The following PRR23D2 variants were observed in gnomAD, a reference collection of about 807,000 sequenced individuals.
PRR23D2 encodes the protein proline-rich protein 23D2.
upstream of PRR23D2, among the ~76,000 whole-genome samples, chr8:7,784,007 T>G (rs1401864823): frequency 7.8e-6 from 1 of 128,144 alleles, no homozygotes; most frequent in Non-Finnish European, 1.7e-5. Context: ...CTTGGCGATC[T>G]GGCCCCGCTT....
chr8:7,783,407 A>G (rs2128916407), upstream of PRR23D2, among the ~76,000 whole-genome samples: 1 of 123,680 alleles, frequency 8.1e-6, no homozygotes, highest in East Asian at 2.5e-4. Context: ...CCGTTTTAAT[A>G]GCAACAATTA....
upstream of PRR23D2, among the ~76,000 whole-genome samples, chr8:7,783,945 C>T: frequency 6.7e-6 from 1 of 148,262 alleles, no homozygotes; most frequent in East Asian, 2.2e-4. Context: ...TGCCCCAAAG[C>T]CAGGGCGGCG....
chr8:7,781,970 A>G (rs1816481823), upstream of PRR23D2, among the ~76,000 whole-genome samples: 2 of 92,890 alleles, frequency 2.2e-5, 1 homozygote, highest in Non-Finnish European at 4.4e-5. Flanking sequence ...AATGTGATGC[A>G]TGGAAAATTT....
upstream of PRR23D2, among the ~76,000 whole-genome samples, chr8:7,783,538 T>C (rs1395318177): frequency 2.8e-4 from 22 of 78,846 alleles, no homozygotes; most frequent in South Asian, 5.4e-4. Flanking sequence ...GGGGTTTCCC[T>C]GCAGGGGCCC....
chr8:7,780,032 TC>T lies in PRR23D2; in HGVS notation c.196del (p.Glu66AsnfsTer15). 1.5e-6 allele frequency: 1 copy of T among 657,412 alleles called. No individual in the cohort carries two copies. Among genetic ancestry groups the T allele is most frequent in the Non-Finnish European group, 2.0e-6 (1 of 511,352 alleles). The allele number at this position is 657,412 out of a possible 1,614,324, so 40.7% of individuals were successfully genotyped here. ...GACACAGGAACTTACCTGGGGAAGT[TC>T]CAGGGACTGGTATGAATTCAGGTGT... ...APHLNSYQSL[E>X]LPQNQQDSGT... On this transcript the variant is annotated frameshift_variant, in exon 3 of 4. Coordinates refer to ENST00000528972, the MANE Select transcript of PRR23D2 (RefSeq NM_001282478.1). LOFTEE classifies it high-confidence loss of function.
chr8:7,784,011 CCCG>C (rs2128916610), upstream of PRR23D2, among the ~76,000 whole-genome samples: 1 of 123,084 alleles, frequency 8.1e-6, no homozygotes, highest in African/African-American at 2.6e-5. Flanking sequence ...GCGATCTGGC[CCCG>C]CTTCCGCAAG....
At chr8:7,782,248 T>G (rs1346230347), upstream of PRR23D2, among the ~76,000 whole-genome samples, 2 of 69,694 alleles carry the variant, frequency 2.9e-5, no homozygotes, top group Non-Finnish European at 5.3e-5. Flanking sequence ...TGTATTAATC[T>G]GTCTGTTAAT....
upstream of PRR23D2, among the ~76,000 whole-genome samples, chr8:7,784,092 C>G: frequency 1.5e-5 from 2 of 130,564 alleles, no homozygotes; most frequent in South Asian, 6.0e-4. Flanking sequence ...TATGGGCTTG[C>G]AGCGCGGGAC....
At chr8:7,783,952 G>A (rs1455793767), upstream of PRR23D2, among the ~76,000 whole-genome samples, 2 of 147,412 alleles carry the variant, frequency 1.4e-5, no homozygotes, top group Non-Finnish European at 3.0e-5. Flanking sequence ...AAGCCAGGGC[G>A]GCGCCTCCTC....
upstream of PRR23D2, among the ~76,000 whole-genome samples, chr8:7,783,936 G>A (rs1816538345): frequency 2.0e-5 from 3 of 149,194 alleles, no homozygotes; most frequent in Admixed American, 6.8e-5. Context: ...AGCCCCATTT[G>A]CCCCAAAGCC....
In PRR23D2 at chr8:7,780,023, TG is replaced by T; in HGVS notation, c.205del (p.Gln69ArgfsTer12). 2 of 689,226 alleles carry T rather than the reference TG, an allele frequency of 2.9e-6. No homozygotes were observed. The highest frequency in any genetic ancestry group is 3.7e-6 in the Non-Finnish European group (2 of 539,642). 42.7% of individuals were successfully genotyped at this position (689,226 alleles called of 1,614,324 possible). A position where few individuals can be genotyped will look rare whatever the true frequency, so the allele number is the denominator to read the frequency against. Reference sequence around the variant, plus strand: ...CTATGCAAGGACACAGGAACTTACCTGGGGAAGTTCCAGGGACTGGTATGAA... The same window carrying T: ...CTATGCAAGGACACAGGAACTTACCTGGGAAGTTCCAGGGACTGGTATGAA... ...LNSYQSLELP[Q>X]NQQDSGTEEL... On this transcript the variant is annotated frameshift_variant and splice_region_variant, in exon 3 of 4. Transcript: ENST00000528972. LOFTEE classifies it high-confidence loss of function.
chr8:7,784,017 T>A (rs1183357703), upstream of PRR23D2, among the ~76,000 whole-genome samples: 2 of 121,152 alleles, frequency 1.7e-5, no homozygotes, highest in Non-Finnish European at 1.8e-5. Context: ...TGGCCCCGCT[T>A]CCGCAAGCAG....
upstream of PRR23D2, among the ~76,000 whole-genome samples, chr8:7,783,862 G>C: frequency 6.6e-6 from 1 of 150,918 alleles, no homozygotes; most frequent in Non-Finnish European, 1.5e-5. Flanking sequence ...CGGGAGACGC[G>C]CAGGGAATCT....
At chr8:7,783,647 T>C (rs1161576881), upstream of PRR23D2, among the ~76,000 whole-genome samples, 1 of 101,642 alleles carries the variant, frequency 9.8e-6, no homozygotes, top group African/African-American at 3.3e-5. Flanking sequence ...TCACAATTCT[T>C]CTTGTGTTTC....
At chr8:7,784,138 T>C (rs1266109697), upstream of PRR23D2, among the ~76,000 whole-genome samples, 4 of 125,708 alleles carry the variant, frequency 3.2e-5, no homozygotes, top group Middle Eastern at 4.2e-3. Flanking sequence ...GACCTGCGTC[T>C]GTATCGCTGA....
upstream of PRR23D2, among the ~76,000 whole-genome samples, chr8:7,784,120 T>C (rs1191955057): frequency 7.8e-6 from 1 of 128,082 alleles, no homozygotes; most frequent in Non-Finnish European, 1.7e-5. Flanking sequence ...CTTCACTGTT[T>C]AGCGGTTGAC....
upstream of PRR23D2, among the ~76,000 whole-genome samples, chr8:7,783,195 TTAA>T (rs1433021165): frequency 2.6e-5 from 4 of 152,230 alleles, no homozygotes; most frequent in Non-Finnish European, 5.9e-5. Context: ...AATAGATAAA[TTAA>T]TAAATTTGCA....
At chr8:7,783,567 G>T (rs202164484), upstream of PRR23D2, among the ~76,000 whole-genome samples, 13,981 of 70,112 alleles carry the variant, frequency 0.2, 124 homozygotes, top group South Asian at 0.28. Flanking sequence ...CGAGCTGCGC[G>T]ACAGTGCGCC....
chr8:7,782,996 C>CT (rs1174958070), upstream of PRR23D2, among the ~76,000 whole-genome samples: 1 of 140,190 alleles, frequency 7.1e-6, no homozygotes, highest in African/African-American at 2.6e-5. Flanking sequence ...GAAATAGCCT[C>CT]TATTGATGAT....
Sources: gnomAD v4.1 joint callset for allele counts (sites outside exome capture counted in the v4.1 genomes callset) on GRCh38, gnomAD v4.1.1 for gene constraint, MANE v1.5 for transcripts, NCBI Gene and HGNC (gene_info 2026-07-23, HGNC 2026-07-21) for gene names.